Variants in LARGE1 observed in about 807,000 individuals in gnomAD.
LARGE1 encodes xylosyl- and glucuronyltransferase LARGE1.
LARGE1 carries 43 observed loss-of-function variants against 87.6 expected under a neutral mutation model. The observed-to-expected ratio is 0.49, with a 90% CI of 0.38 to 0.63. The LOEUF (loss-of-function observed/expected upper bound fraction) is 0.63, where lower values mean the gene tolerates loss of function less well. LARGE1 is among the 30% of genes least tolerant of loss of function. The pLI, the probability that LARGE1 is intolerant of heterozygous loss-of-function variation, is 0.00. For missense variants in LARGE1, 802 were observed against 1,000.2 expected (o/e 0.80, Z 2.67); for synonymous variants, 434 against 394.6 (o/e 1.10, Z -1.18).
intron 9 of LARGE1, among the ~76,000 whole-genome samples, chr22:33,354,914 G>A (rs895000398): frequency 6.6e-6 from 1 of 152,180 alleles, no homozygotes; most frequent in Non-Finnish European, 1.5e-5. Context: ...ATATTGCTAT[G>A]TTTAAACATA....
intron 6 of LARGE1, among the ~76,000 whole-genome samples, chr22:33,534,320 T>C (rs1326597870): frequency 2.6e-5 from 4 of 151,548 alleles, no homozygotes; most frequent in African/African-American, 7.3e-5. Context: ...AGGAGAATGG[T>C]GTGAACCCAG....
chr22:33,452,071 A>G (rs1358901475), intron 6 of LARGE1, among the ~76,000 whole-genome samples: 1 of 152,188 alleles, frequency 6.6e-6, no homozygotes, highest in Admixed American at 6.5e-5. Context: ...TCATCTACAC[A>G]TTTATTCATC....
At chr22:33,555,789 G>T (rs1009537091) in intron 6 of LARGE1, among the ~76,000 whole-genome samples, 5 of 151,882 alleles carry the variant, frequency 3.3e-5, no homozygotes, top group Admixed American at 2.6e-4. Flanking sequence ...AATTAGCCGG[G>T]TGTGGTGGCA....
At chr22:33,070,360 G>A in the LARGE1 span, among the ~76,000 whole-genome samples, 30 of 152,254 alleles carry the variant, frequency 2.0e-4, no homozygotes, top group East Asian at 5.4e-3. Flanking sequence ...AGATGACTTC[G>A]ATCCCTCTGG....
the LARGE1 span, among the ~76,000 whole-genome samples, chr22:33,156,140 T>C: frequency 2.1e-3 from 322 of 152,290 alleles, 1 homozygote; most frequent in African/African-American, 7.5e-3. Flanking sequence ...GCTAGGGCAG[T>C]GTGGAAGGGA....
chr22:33,088,121 C>A, the LARGE1 span, among the ~76,000 whole-genome samples: 1 of 151,856 alleles, frequency 6.6e-6, no homozygotes, highest in Non-Finnish European at 1.5e-5. Context: ...CATCTGAAAC[C>A]CAGAAATTAA....
At chr22:33,480,364 C>T (rs2069265070) in intron 6 of LARGE1, among the ~76,000 whole-genome samples, 1 of 152,120 alleles carries the variant, frequency 6.6e-6, no homozygotes, top group Non-Finnish European at 1.5e-5. Flanking sequence ...CCATCCATCT[C>T]ATGTCTTGAT....
chr22:33,451,725 A>AT (rs35698685), intron 6 of LARGE1, among the ~76,000 whole-genome samples: 43,399 of 151,654 alleles, frequency 0.29, 6,445 homozygotes, highest in South Asian at 0.31. Context: ...CACCCAGCTA[A>AT]TTTTTGAATT....
At chr22:33,470,790 C>T (rs1408856326) in intron 6 of LARGE1, among the ~76,000 whole-genome samples, 1 of 152,176 alleles carries the variant, frequency 6.6e-6, no homozygotes, top group Non-Finnish European at 1.5e-5. Context: ...AGATTCAGTT[C>T]AAATGCCTCC....
chr22:33,778,898 G>A (rs912819162), intron 1 of LARGE1, among the ~76,000 whole-genome samples: 5 of 152,050 alleles, frequency 3.3e-5, no homozygotes, highest in East Asian at 1.9e-4. Context: ...TGATCCACCC[G>A]CCTTGGCCTC....
chr22:33,671,669 T>C (rs2081416808), intron 2 of LARGE1, among the ~76,000 whole-genome samples: 1 of 152,224 alleles, frequency 6.6e-6, no homozygotes, highest in South Asian at 2.1e-4. Flanking sequence ...TGATGCAATA[T>C]GTTCAGCATG....
chr22:33,279,456 C>G (rs1467480724), intron 13 of LARGE1, among the ~76,000 whole-genome samples: 1 of 152,200 alleles, frequency 6.6e-6, no homozygotes. Context: ...AATGCAACTG[C>G]TTCCTTCTTT....
At chr22:33,838,721 T>C (rs2063182506) in intron 1 of LARGE1, among the ~76,000 whole-genome samples, 1 of 152,208 alleles carries the variant, frequency 6.6e-6, no homozygotes, top group African/African-American at 2.4e-5. Flanking sequence ...GAACAGTCCG[T>C]CCTACTGGTG....
At chr22:33,788,301 T>C (rs2085716478) in intron 1 of LARGE1, among the ~76,000 whole-genome samples, 1 of 152,220 alleles carries the variant, frequency 6.6e-6, no homozygotes, top group African/African-American at 2.4e-5. Flanking sequence ...TGCTTCTCCT[T>C]TGCCTTCCCA....
chr22:33,693,343 A>G (rs2082149495), intron 2 of LARGE1, among the ~76,000 whole-genome samples: 1 of 151,946 alleles, frequency 6.6e-6, no homozygotes, highest in Admixed American at 6.6e-5. Flanking sequence ...AGACTTAACC[A>G]CTACACAATT....
At chr22:33,849,338 C>A (rs765142947) in intron 1 of LARGE1, among the ~76,000 whole-genome samples, 2 of 152,172 alleles carry the variant, frequency 1.3e-5, no homozygotes, top group Non-Finnish European at 2.9e-5. Context: ...TCCCATTCCA[C>A]TCCACCTCCC....
intron 10 of LARGE1, among the ~76,000 whole-genome samples, chr22:33,330,056 A>C (rs1056191446): frequency 1.3e-5 from 2 of 152,080 alleles, no homozygotes; most frequent in African/African-American, 4.8e-5. Context: ...CAGGGCTCAG[A>C]TCAGTGGGTT....
intron 2 of LARGE1, among the ~76,000 whole-genome samples, chr22:33,715,597 G>A (rs2082885555): frequency 6.6e-6 from 1 of 152,138 alleles, no homozygotes; most frequent in African/African-American, 2.4e-5. Flanking sequence ...AGGGTCCTCT[G>A]GAGGGCTGGG....
chr22:33,343,117 T>TTTTG (rs755111975), intron 9 of LARGE1, among the ~76,000 whole-genome samples: 14 of 152,082 alleles, frequency 9.2e-5, no homozygotes, highest in South Asian at 4.1e-4. Context: ...GGCTGGTGTT[T>TTTTG]TTTGTTTGTT....
Sources: gnomAD v4.1 joint callset for allele counts (sites outside exome capture counted in the v4.1 genomes callset) on GRCh38, gnomAD v4.1.1 for gene constraint, MANE v1.5 for transcripts, NCBI Gene and HGNC (gene_info 2026-07-23, HGNC 2026-07-21) for gene names.